The following DHX9 variants were observed in gnomAD, a reference collection of about 807,000 sequenced individuals.
DHX9 encodes ATP-dependent RNA helicase A.
A neutral mutation model predicts 148.7 loss-of-function variants in DHX9; 27 were observed. The ratio of observed to expected loss-of-function variants is 0.18; its 90% CI spans 0.13 to 0.25. DHX9 has a LOEUF of 0.25. DHX9 is among the 10% of genes least tolerant of loss of function. The pLI is 1.00. For synonymous variants in DHX9, 529 were observed against 516.6 expected (o/e 1.02, Z -0.33); for missense variants, 796 against 1,559.6 (o/e 0.51, Z 8.25).
chr1:182,876,506 A>T lies in DHX9; in HGVS notation c.2089A>T (p.Lys697Ter), dbSNP rs1446181378. 1 of 1,612,662 alleles carries T rather than the reference A, an allele frequency of 6.2e-7. No homozygotes were observed. Among genetic ancestry groups the T allele is most frequent in the African/African-American group, 1.3e-5 (1 of 74,888 alleles). Residue 697 changes from lysine (K) to a stop codon, truncating the protein, a stop_gained, in exon 18 of 28, where the codon AAA becomes TAA. Coordinates refer to ENST00000367549, the MANE Select transcript of DHX9 (RefSeq NM_001357.5). LOFTEE classifies it high-confidence loss of function. ...HSQIPREEQRKVFDPVPVGVT... is the reference protein window; with the variant it reads ...HSQIPREEQR The stretch of plus-strand genomic sequence containing the variant: ...TCAGATTCCTCGAGAGGAACAGCGC[A>T]AAGTGTTTGATCCAGTACCAGTTGG...
At chr1:182,874,799 T>G in intron 15 of DHX9, 55 bp from the exon 16 acceptor site, 1 of 1,311,986 alleles carries the variant, frequency 7.6e-7, no homozygotes, top group Non-Finnish European at 1.1e-6. Flanking sequence ...TGAATTTAGG[T>G]CTGCTCCATT....
Position 182,881,265 on chromosome 1 carries a change from G to T in DHX9, c.2626G>T (p.Val876Leu), listed in dbSNP as rs969290664. 6.2e-7 allele frequency: 1 copy of T among 1,611,724 alleles called. No individual in the cohort carries two copies. Among genetic ancestry groups the T allele is most frequent in the East Asian group, 2.2e-5 (1 of 44,862 alleles). Residue 876 changes from valine (V) to leucine (L), a missense_variant and splice_region_variant, in exon 23 of 28, where the codon GTG (valine) becomes TTG (leucine). Val to Leu is a conservative substitution (Grantham distance 32). Around this residue, in one of 14 missense-constraint regions of DHX9, gnomAD observed 122 missense variants for 289.3 expected, o/e 0.42. Transcript: ENST00000367549. ...KMMIMGCIFY[V>L]GDAICTIAAA... The stretch of plus-strand genomic sequence containing the variant: ...TTTAACTGTCTTTGTGTATTTCAGC[G>T]TGGGAGATGCTATCTGTACCATTGC...
chr1:182,841,101 C>T (rs920118442), intron 1 of DHX9, among the ~76,000 whole-genome samples: 3 of 152,070 alleles, frequency 2.0e-5, no homozygotes, highest in Non-Finnish European at 2.9e-5. Flanking sequence ...ACCATCCTGG[C>T]CAACACGGTG....
At chr1:182,855,789 C>A in intron 6 of DHX9, 1 of 937,734 alleles carries the variant, frequency 1.1e-6, no homozygotes, top group Non-Finnish European at 1.3e-6. Context: ...TTTATTCACA[C>A]CACCAAGTCT....
intron 2 of DHX9, among the ~76,000 whole-genome samples, chr1:182,842,915 T>C (rs1228698498): frequency 1.3e-5 from 2 of 152,146 alleles, no homozygotes; most frequent in African/African-American, 4.8e-5. Context: ...GTACCAGTAG[T>C]GGGGATGGGA....
chr1:182,868,584 G>A (rs541034865), intron 14 of DHX9, among the ~76,000 whole-genome samples: 4 of 142,126 alleles, frequency 2.8e-5, no homozygotes, highest in East Asian at 2.0e-4. Flanking sequence ...GCGCGATCTC[G>A]GCTCACTGCA....
intron 15 of DHX9, among the ~76,000 whole-genome samples, chr1:182,873,305 C>A (rs75135991): frequency 6.8e-4 from 104 of 152,176 alleles, no homozygotes; most frequent in African/African-American, 2.4e-3. Flanking sequence ...GGATAGTCAT[C>A]TGGTAGCTGT....
intron 14 of DHX9, among the ~76,000 whole-genome samples, chr1:182,870,397 G>A (rs1455161330): frequency 1.3e-5 from 2 of 152,184 alleles, no homozygotes; most frequent in East Asian, 1.9e-4. Context: ...TTGGTTTACA[G>A]ATAACAAGAC....
At chr1:182,854,322 A>T (rs1443811416) in intron 6 of DHX9, 144 bp downstream of exon 6, 1 of 786,380 alleles carries the variant, frequency 1.3e-6, no homozygotes, top group African/African-American at 1.7e-5. Flanking sequence ...TAATTTGCAC[A>T]AGAATAATTA....
intron 14 of DHX9, among the ~76,000 whole-genome samples, 163 bp downstream of exon 14, chr1:182,867,206 C>T (rs1209764962): frequency 1.3e-5 from 2 of 151,914 alleles, no homozygotes; most frequent in African/African-American, 2.4e-5. Context: ...ATTATTCAAT[C>T]TTTTTTTTCT....
intron 12 of DHX9, among the ~76,000 whole-genome samples, chr1:182,866,037 C>T (rs1648279951): frequency 6.6e-6 from 1 of 152,166 alleles, no homozygotes; most frequent in Non-Finnish European, 1.5e-5. Flanking sequence ...AATAAGTGAG[C>T]AGAAAGGTGG....
chr1:182,841,997 G>A (rs1361887472), intron 1 of DHX9, among the ~76,000 whole-genome samples: 1 of 152,142 alleles, frequency 6.6e-6, no homozygotes, highest in Non-Finnish European at 1.5e-5. Flanking sequence ...TATGCTAGTG[G>A]TCATAATCAG....
chr1:182,887,019 T>A (rs961479503), intron 27 of DHX9, 64 bp from the exon 28 acceptor site: 3 of 1,453,268 alleles, frequency 2.1e-6, no homozygotes, highest in Non-Finnish European at 2.9e-6. Context: ...ATGTGTACAT[T>A]TGGTAAGTCG....
rs6661989 is a variant in DHX9, at chr1:182,844,916, G to A, written c.252+1482G>A. ...GACCTCAAGTGATCCGCCCCCTTCA[G>A]CCTCCCAAAGTGCTGGGATTACAGG... is the stretch of plus-strand genomic sequence containing the variant. On this transcript the variant is annotated intron_variant, in intron 3 of 27. Transcript: ENST00000367549. Among the ~76,000 whole-genome samples the A allele has an allele frequency of 4.8e-3, 727 of 152,276 alleles. 8 individuals carry two copies. Among genetic ancestry groups the A allele is most frequent in the African/African-American group, 0.017 (694 of 41,550 alleles).
intron 15 of DHX9, among the ~76,000 whole-genome samples, chr1:182,874,608 G>A (rs1449274314): frequency 1.3e-5 from 2 of 152,268 alleles, no homozygotes; most frequent in East Asian, 3.9e-4. Context: ...TATACACAGA[G>A]GATACCCCAA....
chr1:182,886,748 A>T (rs963845897), intron 27 of DHX9, among the ~76,000 whole-genome samples: 3 of 152,220 alleles, frequency 2.0e-5, no homozygotes, highest in African/African-American at 4.8e-5. Flanking sequence ...ATAAAGACCA[A>T]ATAGTTTATT....
At chr1:182,847,247 T>A (rs1456014210) in intron 3 of DHX9, among the ~76,000 whole-genome samples, 2 of 152,252 alleles carry the variant, frequency 1.3e-5, no homozygotes, top group African/African-American at 4.8e-5. Flanking sequence ...TTCTTGAGGT[T>A]GGATCACATT....
rs902144551 is a variant in DHX9, at chr1:182,857,083, G to C, written c.673+505G>C. Among the ~76,000 whole-genome samples, 5 of 152,172 alleles carry C rather than the reference G, an allele frequency of 3.3e-5. No homozygotes were observed. The East Asian group carries it at 7.7e-4, about 23-fold the overall frequency. ...CAGATGGTCTCTATCTCCTGACCTA[G>C]TGATCTGCCTGGCTCAGCCTCCCAA... On this transcript the variant is annotated intron_variant, in intron 7 of 27. Transcript: ENST00000367549.
chr1:182,865,256 A>G (rs1478690819), intron 12 of DHX9, among the ~76,000 whole-genome samples: 2 of 152,212 alleles, frequency 1.3e-5, no homozygotes, highest in East Asian at 3.8e-4. Context: ...ATGGACAGAT[A>G]CAGAGCTCAT....
Sources: gnomAD v4.1 joint callset for allele counts (sites outside exome capture counted in the v4.1 genomes callset) on GRCh38, gnomAD v4.1.1 for gene constraint, gnomAD v4.1.1 regional missense constraint, MANE v1.5 for transcripts, NCBI Gene and HGNC (gene_info 2026-07-23, HGNC 2026-07-21) for gene names.